PDE2A: variants seen among roughly 807,000 people sequenced by gnomAD.
The protein encoded by PDE2A is cGMP-dependent 3',5'-cyclic phosphodiesterase.
A neutral mutation model predicts 133.6 loss-of-function variants in PDE2A; 53 were observed. The ratio of observed to expected loss-of-function variants is 0.40; its 90% CI spans 0.32 to 0.50. The LOEUF (loss-of-function observed/expected upper bound fraction) is 0.50, where lower values mean the gene tolerates loss of function less well. Among genes scored for constraint, PDE2A ranks in the 20% least tolerant of loss-of-function variants. The probability of loss-of-function intolerance (pLI) is 0.73; values close to 1 mark genes in which losing one functional copy is unlikely to be tolerated. For missense variants in PDE2A, 796 were observed against 1,232.4 expected, an observed-to-expected ratio of 0.65 and a Z score of 5.30; for synonymous variants, 491 against 490.2, an observed-to-expected ratio of 1.00 and a Z score of -0.02.
chr11:72,596,269 C>T (rs1016060291), intron 6 of PDE2A, among the ~76,000 whole-genome samples: 6 of 152,098 alleles, frequency 3.9e-5, no homozygotes, highest in Non-Finnish European at 7.4e-5. Flanking sequence ...AAAGGCTGGG[C>T]CTTCTAACCT....
intron 22 of PDE2A, 139 bp from the exon 23 acceptor site, chr11:72,581,618 T>G: frequency 9.6e-7 from 1 of 1,037,000 alleles, no homozygotes; most frequent in Non-Finnish European, 1.4e-6. Flanking sequence ...TAGCAGGAAG[T>G]TCCTATGCAC....
At position 72,590,226 on chromosome 11, in the gene PDE2A, T is replaced by A; in HGVS notation, c.722A>T (p.Asp241Val). The A allele has an allele frequency of 6.4e-7, 1 of 1,551,588 alleles. No homozygotes were observed. The highest frequency in any genetic ancestry group is 8.7e-7 in the Non-Finnish European group (1 of 1,146,930). Reference sequence around the variant, plus strand: ...CACTTTGAGCTGCAGGGAAGAGGCATCCAGGTCGTAGAGTTCCCCTGCAAG... The same window carrying A: ...CACTTTGAGCTGCAGGGAAGAGGCAACCAGGTCGTAGAGTTCCCCTGCAAG... ...LQLCGELYDL[D>V]ASSLQLKVLQ... Residue 241 changes from aspartate (D) to valine (V), a missense_variant, in exon 9 of 31, where the codon GAT becomes GTT. Physicochemically the swap from Asp to Val is radical, Grantham distance 152. Coordinates refer to ENST00000334456, the MANE Select transcript of PDE2A (RefSeq NM_002599.5). This position sits in a 1 kb window ranked among gnomAD's most constrained non-coding sequence, Gnocchi z 4.8.
chr11:72,579,686 G>C (rs887308280), intron 25 of PDE2A, 78 bp from the exon 26 acceptor site: 4 of 1,011,554 alleles, frequency 4.0e-6, no homozygotes, highest in African/African-American at 3.2e-5. Flanking sequence ...AGGAAGCAGG[G>C]GCCTCGTCCA....
intron 4 of PDE2A, chr11:72,598,713 G>C: frequency 7.8e-7 from 1 of 1,277,762 alleles, no homozygotes; most frequent in Non-Finnish European, 1.0e-6. Context: ...CAAGTCACGA[G>C]ATCACTAGGT....
chr11:72,610,707 T>C (rs560259368), intron 2 of PDE2A, among the ~76,000 whole-genome samples: 9 of 152,250 alleles, frequency 5.9e-5, no homozygotes, highest in Admixed American at 5.9e-4. Flanking sequence ...CCAAATTGGA[T>C]CACTTGTCTT....
At chr11:72,610,840 A>C (rs1160348499) in intron 2 of PDE2A, among the ~76,000 whole-genome samples, 1 of 152,130 alleles carries the variant, frequency 6.6e-6, no homozygotes, top group Non-Finnish European at 1.5e-5. Context: ...ACACACACAC[A>C]CGTTCTCACT....
chr11:72,579,159 G>T, intron 27 of PDE2A, 125 bp downstream of exon 27: 1 of 934,040 alleles, frequency 1.1e-6, no homozygotes, highest in Non-Finnish European at 1.7e-6. Flanking sequence ...CCTGGGGGGG[G>T]CCGTGCAGCC....
chr11:72,599,011 A>G (rs1198906705), intron 4 of PDE2A: 1 of 985,254 alleles, frequency 1.0e-6, no homozygotes, highest in East Asian at 1.1e-4. Context: ...TAAACTGATG[A>G]AGGCTGAGGC....
intron 1 of PDE2A, among the ~76,000 whole-genome samples, chr11:72,666,712 G>A (rs183477763): frequency 7.6e-4 from 116 of 152,166 alleles, no homozygotes; most frequent in African/African-American, 2.7e-3. Context: ...ACACACATAC[G>A]GTTTCACTAG....
intron 18 of PDE2A, 67 bp downstream of exon 18, chr11:72,584,484 C>A (rs1223484134): frequency 6.6e-6 from 10 of 1,511,372 alleles, no homozygotes; most frequent in African/African-American, 2.8e-5. Context: ...GTGTTGCCAC[C>A]CCCGCTCGCT....
chr11:72,597,715 T>C lies in PDE2A; in HGVS notation c.324-96A>G, dbSNP rs1670061088. 1 of 774,400 alleles carries C rather than the reference T, an allele frequency of 1.3e-6. No homozygotes were observed. The highest frequency in any genetic ancestry group is 2.1e-6 in the Non-Finnish European group (1 of 465,862). 48.0% of individuals were successfully genotyped at this position (774,400 alleles called of 1,614,324 possible). On this transcript the variant is annotated intron_variant, in intron 4 of 30. Coordinates refer to ENST00000334456, the MANE Select transcript of PDE2A (RefSeq NM_002599.5). The surrounding 1 kb of genome is among the most constrained non-coding windows in gnomAD (Gnocchi z 4.6). ...CAGGACAGTTTGGACCCTGCACATG[T>C]GCAAGGATCTGGGCAAGCTGACCTG...
rs372290564 is a variant in PDE2A, at chr11:72,584,905, G to A, written c.1326C>T (p.Ala442=). The A allele has an allele frequency of 1.2e-6, 2 of 1,614,018 alleles. No individual in the cohort carries two copies. The highest frequency in any genetic ancestry group is 1.3e-5 in the African/African-American group (1 of 74,914). Residue 442 remains alanine (A), a synonymous_variant, in exon 17 of 31, where the codon GCC becomes GCT. Coordinates refer to ENST00000334456, the MANE Select transcript of PDE2A (RefSeq NM_002599.5). ...CCACCACGCCCCCGTCGAACACCTT[G>A]GCCACCAGCTCATTCTGATCCAGCA... ...VFLLDQNELV[A]KVFDGGVVDD...
rs1169043631 is a variant in PDE2A at position 72,646,548 on chromosome 11, AC to A, written c.72-4223del. Among the ~76,000 whole-genome samples the A allele has an allele frequency of 4.6e-5, 7 of 151,976 alleles. No homozygotes were observed. The Middle Eastern group carries it at 0.01, about 223-fold the overall frequency. On this transcript the variant is annotated intron_variant, in intron 1 of 30. Transcript: ENST00000334456. ...ATAAGCAGCTACTATGTAGCCCAGG[AC>A]CCCCCAAAGCCAGGGCAGGTTCACT...
chr11:72,618,461 G>A (rs1363785442), intron 2 of PDE2A, among the ~76,000 whole-genome samples: 2 of 152,158 alleles, frequency 1.3e-5, no homozygotes, highest in South Asian at 2.1e-4. Flanking sequence ...CAAGCAAGGG[G>A]CTGAGCCACA....
At chr11:72,629,920 TA>T (rs947325508) in intron 2 of PDE2A, among the ~76,000 whole-genome samples, 2 of 152,128 alleles carry the variant, frequency 1.3e-5, no homozygotes, top group African/African-American at 4.8e-5. Context: ...GGAGGGCTGA[TA>T]CAAGCATCAT....
In PDE2A at chr11:72,578,355, C is replaced by T. The variant is rs780118305; in HGVS notation, c.2509-16G>A. On this transcript the variant is annotated splice_polypyrimidine_tract_variant and intron_variant, in intron 29 of 30. Transcript: ENST00000334456. The surrounding 1 kb of genome is among the most constrained non-coding windows in gnomAD (Gnocchi z 4.2). ...TGGCCTTCTCCTGCAGGCATCGAGT[C>T]GTCAGGCCTGTCCCTCTCATTCCTC... 2.1e-4 allele frequency: 339 copies of T among 1,599,310 alleles called. No individual in the cohort carries two copies. The highest frequency in any genetic ancestry group is 2.7e-4 in the Non-Finnish European group (311 of 1,166,758).
At chr11:72,662,994 G>A (rs570302900) in intron 1 of PDE2A, among the ~76,000 whole-genome samples, 10 of 152,198 alleles carry the variant, frequency 6.6e-5, no homozygotes, top group Admixed American at 2.0e-4. Flanking sequence ...TTGCTCTTAC[G>A]GGGATTTTTG....
At position 72,585,544 on chromosome 11, in the gene PDE2A, G is replaced by A; in HGVS notation, c.1222+10C>T. ...CACACACAGCCAGGCAGAGAGAACA[G>A]TGCACTCACCCAGGTGGGTGAAGAG... On this transcript the variant is annotated intron_variant, in intron 15 of 30. Coordinates refer to ENST00000334456, the MANE Select transcript of PDE2A (RefSeq NM_002599.5). 3 of 1,614,044 alleles carry A rather than the reference G, an allele frequency of 1.9e-6. No homozygotes were observed. The highest frequency in any genetic ancestry group is 1.7e-6 in the Non-Finnish European group (2 of 1,179,876).
chr11:72,632,832 C>T (rs568725623), intron 2 of PDE2A, among the ~76,000 whole-genome samples: 229 of 152,028 alleles, frequency 1.5e-3, no homozygotes, highest in South Asian at 3.3e-3. Flanking sequence ...AGGCACTGCC[C>T]GGAGGTGGAG....
Sources: allele counts gnomAD v4.1 joint callset (sites outside exome capture counted in the v4.1 genomes callset), GRCh38; gene constraint gnomAD v4.1.1; non-coding constraint Gnocchi (gnomAD v3.1); transcripts MANE v1.5; gene names NCBI Gene and HGNC (gene_info 2026-07-23, HGNC 2026-07-21).